Variants in ZFX observed in about 807,000 individuals in gnomAD.
The protein encoded by ZFX is zinc finger protein X-linked.
For missense variants in ZFX, 362 were observed against 628.3 expected, an observed-to-expected ratio of 0.58 and a Z score of 4.53; for synonymous variants, 196 against 226.8, an observed-to-expected ratio of 0.86 and a Z score of 1.22.
rs66467960 is a variant in ZFX, at chrX:24,163,364, GTTTTTTTTTTTT to G, written c.-28-9331_-28-9320del. On this transcript the variant is annotated intron_variant, in intron 3 of 9. Coordinates refer to ENST00000304543, the MANE Select transcript of ZFX (RefSeq NM_003410.4). ...AATTTGGTTAAATTATTTTTGTTAG[GTTTTTTTTTTTT>G]TTTTTTTTTTTTTTTTTTTGATACA... Among the ~76,000 whole-genome samples the G allele has an allele frequency of 1.2e-3, 22 of 19,063 alleles. No individual in the cohort carries two copies. The South Asian group carries it at 0.041, about 36-fold the overall frequency. The allele number at this position is 19,063 out of a possible 115,157, so 16.6% of individuals were successfully genotyped here.
intron 5 of ZFX, 71 bp downstream of exon 5, chrX:24,179,841 G>A (rs1935514496): frequency 6.1e-6 from 6 of 977,241 alleles, no homozygotes; most frequent in Non-Finnish European, 8.4e-6. Context: ...CATCAGGGGT[G>A]AAATTTTCTT....
At position 24,210,626 on chromosome X, in the gene ZFX, T is replaced by C. The variant is rs899248950; in HGVS notation, c.1668T>C (p.Gly556=). 1.7e-6 allele frequency: 2 copies of C among 1,210,518 alleles called. No homozygotes were observed. The highest frequency in any genetic ancestry group is 2.2e-6 in the Non-Finnish European group (2 of 895,155). ...FPHICVECGK[G]FRHPSELKKH... Reference sequence around the variant, plus strand: ...ATATTTGTGTGGAGTGTGGTAAGGGTTTTCGTCACCCGTCAGAGCTCAAAA... The same window carrying C: ...ATATTTGTGTGGAGTGTGGTAAGGGCTTTCGTCACCCGTCAGAGCTCAAAA... The change falls in exon 10 of 10, where the codon GGT becomes GGC. Residue 556 remains glycine, a synonymous_variant. Transcript: ENST00000304543.
intron 5 of ZFX, among the ~76,000 whole-genome samples, chrX:24,186,335 C>G (rs1936109834): frequency 9.0e-6 from 1 of 110,533 alleles, no homozygotes; most frequent in Non-Finnish European, 1.9e-5. Flanking sequence ...GATGATGGGC[C>G]AGGTAAGGTG....
intron 3 of ZFX, among the ~76,000 whole-genome samples, chrX:24,157,374 C>A (rs1018003939): frequency 8.9e-6 from 1 of 111,794 alleles, no homozygotes. Flanking sequence ...GTACACTTTT[C>A]CCCCCTACAT....
chrX:24,180,641 C>T (rs1010663898), intron 5 of ZFX, among the ~76,000 whole-genome samples: 1 of 111,632 alleles, frequency 9.0e-6, no homozygotes, highest in Non-Finnish European at 1.9e-5. Flanking sequence ...CCTTGGCCTT[C>T]CAAAGTGGGA....
intron 3 of ZFX, among the ~76,000 whole-genome samples, chrX:24,160,056 G>T (rs1933104998): frequency 9.1e-6 from 1 of 110,059 alleles, no homozygotes; most frequent in South Asian, 3.8e-4. Flanking sequence ...TTTCTGATCA[G>T]TATTGCCAGT....
chrX:24,165,562 A>G (rs1189696108), intron 3 of ZFX, among the ~76,000 whole-genome samples: 1 of 112,967 alleles, frequency 8.9e-6, no homozygotes. Flanking sequence ...GGTGCAAGAA[A>G]AAGGAAATGT....
rs944024073 is a variant in ZFX, at chrX:24,213,762, G to GT, written c.*2393dup. ...CCTGCGATTCTTGAAAGCTCTGTCT[G>GT]TTTTTTTGTGAGAACCTTTAAAATC... On this transcript the variant is annotated 3_prime_UTR_variant, in exon 10 of 10. Coordinates refer to ENST00000304543, the MANE Select transcript of ZFX (RefSeq NM_003410.4). The GT allele has an allele frequency of 3.0e-5, 3 of 99,532 alleles. No homozygotes were observed. Among genetic ancestry groups the GT allele is most frequent in the Non-Finnish European group, 4.1e-5 (2 of 48,812 alleles). 8.2% of individuals were successfully genotyped at this position (99,532 alleles called of 1,213,427 possible). A position where few individuals can be genotyped will look rare whatever the true frequency, so the allele number is the denominator to read the frequency against.
At chrX:24,185,499 G>A (rs1936034941) in intron 5 of ZFX, among the ~76,000 whole-genome samples, 1 of 111,516 alleles carries the variant, frequency 9.0e-6, no homozygotes, top group Admixed American at 9.5e-5. Flanking sequence ...CGCCCAGGCT[G>A]GAGTGCAGTG....
chrX:24,169,126 T>A (rs1028122677), intron 3 of ZFX, among the ~76,000 whole-genome samples: 4 of 111,553 alleles, frequency 3.6e-5, no homozygotes, highest in Non-Finnish European at 7.5e-5. Flanking sequence ...TAGTCATCTC[T>A]GTTTAGAATG....
chrX:24,199,476 T>C (rs1302148022), intron 5 of ZFX, among the ~76,000 whole-genome samples: 1 of 110,258 alleles, frequency 9.1e-6, no homozygotes, highest in Admixed American at 9.7e-5. Context: ...GGCTGGTCTC[T>C]AACTCCTGGG....
intron 5 of ZFX, among the ~76,000 whole-genome samples, chrX:24,202,471 G>A (rs997263884): frequency 9.0e-6 from 1 of 111,595 alleles, no homozygotes; most frequent in Admixed American, 9.6e-5. Context: ...AAGAACATCA[G>A]CGACCTCATG....
chrX:24,178,081 G>A (rs987624315), intron 4 of ZFX, among the ~76,000 whole-genome samples: 2 of 107,208 alleles, frequency 1.9e-5, no homozygotes, highest in African/African-American at 6.8e-5. Context: ...ACAGGTGCCC[G>A]CCACCACACC....
intron 4 of ZFX, among the ~76,000 whole-genome samples, chrX:24,174,813 A>G (rs1934982561): frequency 9.0e-6 from 1 of 111,086 alleles, no homozygotes; most frequent in Admixed American, 9.6e-5. Context: ...TCCTGTGCTC[A>G]AGGGATCCTC....
At chrX:24,175,909 A>G (rs749726196) in intron 4 of ZFX, among the ~76,000 whole-genome samples, 1 of 110,989 alleles carries the variant, frequency 9.0e-6, no homozygotes, top group Non-Finnish European at 1.9e-5. Flanking sequence ...TGCTCTTGCC[A>G]CTAGATGCTT....
At chrX:24,198,260 T>TG (rs975144559) in intron 5 of ZFX, among the ~76,000 whole-genome samples, 1 of 111,568 alleles carries the variant, frequency 9.0e-6, no homozygotes, top group African/African-American at 3.3e-5. Flanking sequence ...TAGAGTGCAG[T>TG]GGCACGATCA....
chrX:24,205,293 A>G (rs1251307286), intron 5 of ZFX, among the ~76,000 whole-genome samples: 3 of 112,077 alleles, frequency 2.7e-5, no homozygotes, highest in Non-Finnish European at 5.6e-5. Flanking sequence ...CTCAACATTG[A>G]AAAAACCCAA....
At chrX:24,179,104 G>A (rs915076244) in intron 4 of ZFX, 79 bp from the exon 5 acceptor site, 76 of 888,931 alleles carry the variant, frequency 8.5e-5, no homozygotes, top group Non-Finnish European at 1.2e-4. Flanking sequence ...TGTTTTCCCA[G>A]TAGAAATTAA....
At chrX:24,157,704 A>C (rs1932871098) in intron 3 of ZFX, among the ~76,000 whole-genome samples, 1 of 112,158 alleles carries the variant, frequency 8.9e-6, no homozygotes, top group Non-Finnish European at 1.9e-5. Context: ...CAACAGTTGA[A>C]CAGTTTTGAG....
Sources: allele counts gnomAD v4.1 joint callset (sites outside exome capture counted in the v4.1 genomes callset), GRCh38; gene constraint gnomAD v4.1.1; transcripts MANE v1.5; gene names NCBI Gene and HGNC (gene_info 2026-07-23, HGNC 2026-07-21).